The following SERINC1 variants were observed in gnomAD, a reference collection of about 807,000 sequenced individuals.
SERINC1 encodes serine incorporator 1, also known as tumor differentially expressed protein 2.
In SERINC1, 38 loss-of-function variants were observed where a neutral mutation model predicts 52.9. The ratio of observed to expected loss-of-function variants is 0.72; its 90% CI spans 0.55 to 0.94. The LOEUF (loss-of-function observed/expected upper bound fraction) is 0.94. Ranked by LOEUF, SERINC1 falls within the 40% of genes least tolerant of loss-of-function variation. The pLI is 0.00. For missense variants in SERINC1, 471 were observed against 533.9 expected (o/e 0.88, Z 1.16); for synonymous variants, 198 against 183.1 (o/e 1.08, Z -0.66).
At chr6:122,466,426 C>A (rs1048466463) in intron 1 of SERINC1, among the ~76,000 whole-genome samples, 1 of 152,044 alleles carries the variant, frequency 6.6e-6, no homozygotes, top group South Asian at 2.1e-4. Flanking sequence ...TAGGTGATCC[C>A]CCCACCTCAG....
chr6:122,458,609 T>A lies in SERINC1; in HGVS notation c.112A>T (p.Thr38Ser). ...AAGAAAAGTGCATAGATCAATCTAGTTACAGTGGAGTTGTTTCCACTAGGA... is the reference window on the plus strand; with the variant it reads ...AAGAAAAGTGCATAGATCAATCTAGATACAGTGGAGTTGTTTCCACTAGGA... ...CCPSGNNSTVTRLIYALFLLV... is the reference protein window; with the variant it reads ...CCPSGNNSTVSRLIYALFLLV... The change falls in exon 2 of 10, where the codon ACT (threonine) becomes TCT (serine). Residue 38 changes from threonine (T) to serine (S), a missense_variant. Thr to Ser is a moderately conservative substitution (Grantham distance 58). Transcript: ENST00000339697. 6.2e-7 allele frequency: 1 copy of A among 1,613,076 alleles called. No homozygotes were observed.
chr6:122,469,380 GTT>G (rs11300483), intron 1 of SERINC1, among the ~76,000 whole-genome samples: 29 of 139,106 alleles, frequency 2.1e-4, no homozygotes, highest in Non-Finnish European at 3.1e-4. Context: ...TTTTGTTTTT[GTT>G]TTTTTTTTTT....
intron 1 of SERINC1, among the ~76,000 whole-genome samples, chr6:122,464,677 G>A (rs938483910): frequency 3.9e-5 from 6 of 152,236 alleles, no homozygotes; most frequent in Admixed American, 6.5e-5. Flanking sequence ...TAGAGATTCC[G>A]GCACCAATAA....
At chr6:122,470,432 G>T (rs972926361) in intron 1 of SERINC1, among the ~76,000 whole-genome samples, 5 of 152,086 alleles carry the variant, frequency 3.3e-5, no homozygotes, top group Non-Finnish European at 7.3e-5. Context: ...ATTACAAATT[G>T]AATTGCATAA....
In SERINC1 at chr6:122,466,518, T is replaced by C. The variant is rs184462599; in HGVS notation, c.39+5181A>G. On this transcript the variant is annotated intron_variant, in intron 1 of 9. Transcript: ENST00000339697. ...CACCACCACGCCTGGCTAATTTTTTTGTATTTTTTGTATAGACAGTGTTTT... is the reference window on the plus strand; with the variant it reads ...CACCACCACGCCTGGCTAATTTTTTCGTATTTTTTGTATAGACAGTGTTTT... Among the ~76,000 whole-genome samples the C allele has an allele frequency of 4.1e-4, 62 of 152,246 alleles. 1 individual carries two copies. The highest frequency in any genetic ancestry group is 1.3e-3 in the African/African-American group (54 of 41,548).
intron 1 of SERINC1, among the ~76,000 whole-genome samples, chr6:122,465,225 A>C (rs915650881): frequency 2.0e-5 from 3 of 152,158 alleles, no homozygotes; most frequent in African/African-American, 2.4e-5. Flanking sequence ...TTCATTTGGC[A>C]GAATCCCCAA....
intron 1 of SERINC1, among the ~76,000 whole-genome samples, chr6:122,462,450 T>C (rs1384870635): frequency 6.6e-6 from 1 of 152,012 alleles, no homozygotes; most frequent in East Asian, 1.9e-4. Flanking sequence ...ATAACACAAC[T>C]GTCTATATAG....
chr6:122,458,771 G>T, intron 1 of SERINC1, 90 bp from the exon 2 acceptor site: 1 of 947,080 alleles, frequency 1.1e-6, no homozygotes, highest in Non-Finnish European at 1.6e-6. Context: ...CATTCTATCT[G>T]TTAAAAAAGA....
Position 122,456,489 on chromosome 6 carries a change from C to T in SERINC1, c.363G>A (p.Val121=). The part of the protein sequence containing the change: ...VKSSSDPRAA[V]HNGFWFFKFA... ...CTTATTTAAAAACTTACCCATTGTG[C>T]ACTGCAGCTCTAGGATCACTGCTAC... Residue 121 remains valine (V), a synonymous_variant, in exon 3 of 10, where the codon GTG becomes GTA. Coordinates refer to ENST00000339697, the MANE Select transcript of SERINC1 (RefSeq NM_020755.4). The T allele has an allele frequency of 6.3e-7, 1 of 1,576,858 alleles. No homozygotes were observed. The highest frequency in any genetic ancestry group is 8.6e-7 in the Non-Finnish European group (1 of 1,165,240).
At position 122,459,449 on chromosome 6, in the gene SERINC1, G is replaced by C. The variant is rs531482124; in HGVS notation, c.40-768C>G. ...ACAGCTCTAGGGGAAAAGAGTCTTAGATATCACAGTAAGGGAATGTTGTAG... is the reference window on the plus strand; with the variant it reads ...ACAGCTCTAGGGGAAAAGAGTCTTACATATCACAGTAAGGGAATGTTGTAG... On this transcript the variant is annotated intron_variant, in intron 1 of 9. Coordinates refer to ENST00000339697, the MANE Select transcript of SERINC1 (RefSeq NM_020755.4). Among the ~76,000 whole-genome samples, 4 of 152,250 alleles carry C rather than the reference G, an allele frequency of 2.6e-5. No homozygotes were observed. The South Asian group carries it at 8.3e-4, about 32-fold the overall frequency.
At chr6:122,456,726 G>T in intron 2 of SERINC1, 76 bp from the exon 3 acceptor site, 1 of 1,121,080 alleles carries the variant, frequency 8.9e-7, no homozygotes, top group Admixed American at 3.0e-5. Flanking sequence ...TAATCAAATA[G>T]TTTAAGTAAA....
intron 9 of SERINC1, among the ~76,000 whole-genome samples, chr6:122,446,261 A>G (rs903892688): frequency 2.6e-5 from 4 of 152,116 alleles, no homozygotes; most frequent in Non-Finnish European, 5.9e-5. Context: ...ATTAAAAAAA[A>G]AAGTAGCTTG....
intron 9 of SERINC1, 87 bp from the exon 10 acceptor site, chr6:122,445,266 G>T: frequency 1.5e-6 from 2 of 1,303,982 alleles, no homozygotes; most frequent in South Asian, 1.4e-5. Context: ...ATTCAGAAGC[G>T]TGCTTTGTAT....
chr6:122,461,669 A>G (rs1048212034), intron 1 of SERINC1, among the ~76,000 whole-genome samples: 79 of 152,226 alleles, frequency 5.2e-4, no homozygotes, highest in African/African-American at 1.6e-3. Context: ...AAAAAAAAAA[A>G]AGAATTTTAT....
chr6:122,446,851 A>C lies in SERINC1; in HGVS notation c.1149T>G (p.Thr383=), dbSNP rs1774813419. The change falls in exon 9 of 10, where the codon ACT becomes ACG. Residue 383 remains threonine, a synonymous_variant. Coordinates refer to ENST00000339697, the MANE Select transcript of SERINC1 (RefSeq NM_020755.4). ...RAVDNERDGV[T]YSYSFFHFML... The stretch of plus-strand genomic sequence containing the variant: ...TGAAGTGAAAGAAGGAATAACTGTA[A>C]GTGACACCATCCCTTTCATTATCTA... The C allele has an allele frequency of 6.2e-7, 1 of 1,613,996 alleles. No homozygotes were observed.
chr6:122,452,988 A>G (rs1353156874), intron 5 of SERINC1, among the ~76,000 whole-genome samples: 1 of 152,206 alleles, frequency 6.6e-6, no homozygotes, highest in Non-Finnish European at 1.5e-5. Context: ...ATGAAAATCC[A>G]GATTTATGAC....
rs187707650 is a variant in SERINC1, at chr6:122,469,319, C to T, written c.39+2380G>A. Among the ~76,000 whole-genome samples the T allele has an allele frequency of 3.3e-5, 5 of 151,422 alleles. No homozygotes were observed. The East Asian group carries it at 9.7e-4, about 29-fold the overall frequency. Reference sequence around the variant, plus strand: ...GAGGTTGGTTTGTTTTTAATTCTGGCTTACCTGATCTAATTTAATGATTTG... The same window carrying T: ...GAGGTTGGTTTGTTTTTAATTCTGGTTTACCTGATCTAATTTAATGATTTG... On this transcript the variant is annotated intron_variant, in intron 1 of 9. Transcript: ENST00000339697.
rs1321633038 is a variant in SERINC1 at position 122,445,092 on chromosome 6, A to G, written c.1314T>C (p.Val438=). 6.2e-7 allele frequency: 1 copy of G among 1,614,084 alleles called. No individual in the cohort carries two copies. Among genetic ancestry groups the G allele is most frequent in the South Asian group, 1.1e-5 (1 of 91,058 alleles). Residue 438 remains valine, a synonymous_variant, in exon 10 of 10, where the codon GTT becomes GTC. Transcript: ENST00000339697. ...SSSWIGIVLY[V]WTLVAPLVLT... ...GAACAAGTGGTGCCACGAGTGTCCA[A>G]ACATACAGCACGATGCCAATCCAAC...
intron 7 of SERINC1, among the ~76,000 whole-genome samples, chr6:122,451,110 AAT>A (rs1367364120): frequency 6.6e-6 from 1 of 152,176 alleles, no homozygotes; most frequent in Admixed American, 6.5e-5. Context: ...AGGAGGAGTC[AAT>A]CAATGGGCAA....
Sources: allele counts gnomAD v4.1 joint callset (sites outside exome capture counted in the v4.1 genomes callset), GRCh38; gene constraint gnomAD v4.1.1; transcripts MANE v1.5; gene names NCBI Gene and HGNC (gene_info 2026-07-23, HGNC 2026-07-21).